The following CCNI2 variants were observed in gnomAD, a reference collection of about 807,000 sequenced individuals.
The protein encoded by CCNI2 is cyclin I family member 2, also known as cyclin-I2.
In CCNI2, 32 loss-of-function variants were observed where a neutral mutation model predicts 33.2. The observed-to-expected ratio is 0.96, with a 90% CI of 0.73 to 1.30. The LOEUF (loss-of-function observed/expected upper bound fraction) is 1.30, where lower values mean the gene tolerates loss of function less well. Among genes scored for constraint, CCNI2 ranks in the 50% most tolerant of loss-of-function variants. The probability of loss-of-function intolerance (pLI) is 0.00; values close to 1 mark genes in which losing one functional copy is unlikely to be tolerated. For missense variants in CCNI2, 452 were observed against 486.2 expected, an observed-to-expected ratio of 0.93 and a Z score of 0.66; for synonymous variants, 231 against 219.9, an observed-to-expected ratio of 1.05 and a Z score of -0.45.
intron 2 of CCNI2, among the ~76,000 whole-genome samples, chr5:132,748,737 G>A (rs1043985116): frequency 1.3e-5 from 2 of 152,116 alleles, no homozygotes; most frequent in Non-Finnish European, 2.9e-5. Flanking sequence ...GAGGTAGGAT[G>A]TGCTTGTCTC....
intron 2 of CCNI2, 123 bp downstream of exon 2, chr5:132,748,598 C>A: frequency 8.3e-7 from 1 of 1,205,798 alleles, no homozygotes; most frequent in Non-Finnish European, 1.2e-6. Context: ...AACTAACTTG[C>A]TCCGAGTGGA....
intron 3 of CCNI2, 135 bp downstream of exon 3, chr5:132,749,557 T>C (rs910577202): frequency 2.9e-6 from 2 of 695,288 alleles, no homozygotes; most frequent in African/African-American, 3.6e-5. Context: ...CTTGCCGGCA[T>C]CTCTGCTATC....
intron 4 of CCNI2, chr5:132,751,703 A>C (rs1280953716): frequency 3.6e-6 from 2 of 548,048 alleles, no homozygotes; most frequent in African/African-American, 3.8e-5. Context: ...GAATGGAAAC[A>C]TTGTCATCTA....
In CCNI2 at chr5:132,747,657, C is replaced by A; in HGVS notation, c.162C>A (p.Ser54Arg). 1.3e-6 allele frequency: 2 copies of A among 1,503,392 alleles called. No homozygotes were observed. Among genetic ancestry groups the A allele is most frequent in the Non-Finnish European group, 1.8e-6 (2 of 1,133,204 alleles). The allele number at this position is 1,503,392 out of a possible 1,614,324, so 93.1% of individuals were successfully genotyped here. The change falls in exon 1 of 6, where the codon AGC (serine) becomes AGA (arginine). Residue 54 changes from serine to arginine, a missense_variant. Physicochemically the swap from Ser to Arg is moderately radical, Grantham distance 110. Coordinates refer to ENST00000378731, the MANE Select transcript of CCNI2 (RefSeq NM_001039780.4). This position sits in a 1 kb window ranked among gnomAD's most constrained non-coding sequence, Gnocchi z 4.1. ...CCCCTCTGCCCCGAAGCAACCGGAGCAGGTGCCCTGGGACCCGCCAGCCCG... is the reference window on the plus strand; with the variant it reads ...CCCCTCTGCCCCGAAGCAACCGGAGAAGGTGCCCTGGGACCCGCCAGCCCG... ...GEAPLPRSNRSRCPGTRQPGA... is the reference protein window; with the variant it reads ...GEAPLPRSNRRRCPGTRQPGA...
intron 5 of CCNI2, 105 bp from the exon 6 acceptor site, chr5:132,752,761 G>A: frequency 1.1e-6 from 1 of 892,636 alleles, no homozygotes; most frequent in South Asian, 1.6e-5. Flanking sequence ...TTGGGTGGTT[G>A]GACCTTCCTG....
At chr5:132,748,946 T>TG (rs1316385783) in intron 2 of CCNI2, among the ~76,000 whole-genome samples, 2 of 151,764 alleles carry the variant, frequency 1.3e-5, no homozygotes, top group Non-Finnish European at 1.5e-5. Context: ...CTTTTAAAAA[T>TG]GGGAAAAAAA....
Position 132,752,027 on chromosome 5 carries a change from C to T in CCNI2, c.836C>T (p.Pro279Leu). ...TTGGAGCTGCTGCCTCAGAGGAATC[C>T]TTCCCTCCACGTCGCATCCCTGACC... ...HVLELLPQRN[P>L]SLHVASLTRQ... Residue 279 changes from proline to leucine, a missense_variant, in exon 5 of 6, where the codon CCT becomes CTT. Physicochemically the swap from Pro to Leu is moderately conservative, Grantham distance 98 (BLOSUM62 -3). Coordinates refer to ENST00000378731, the MANE Select transcript of CCNI2 (RefSeq NM_001039780.4). The T allele has an allele frequency of 6.2e-7, 1 of 1,612,134 alleles. No homozygotes were observed. Among genetic ancestry groups the T allele is most frequent in the South Asian group, 1.1e-5 (1 of 90,222 alleles).
chr5:132,752,094 G>A lies in CCNI2; in HGVS notation c.903G>A (p.Gln301=). ...GTATGGCGGGCCACCAGCTGCTGCA[G>A]TTCAAGGGCTCCACACTGGCCTTGG... is the stretch of plus-strand genomic sequence containing the variant. The part of the protein sequence containing the change: ...QHCMAGHQLL[Q]FKGSTLALVI... Residue 301 remains glutamine (Q), a synonymous_variant, in exon 5 of 6, where the codon CAG becomes CAA. Coordinates refer to ENST00000378731, the MANE Select transcript of CCNI2 (RefSeq NM_001039780.4). 1 of 1,602,036 alleles carries A rather than the reference G, an allele frequency of 6.2e-7. No individual in the cohort carries two copies. Among genetic ancestry groups the A allele is most frequent in the Non-Finnish European group, 8.5e-7 (1 of 1,174,278 alleles).
intron 2 of CCNI2, 80 bp downstream of exon 2, chr5:132,748,555 A>G (rs1754678716): frequency 6.4e-7 from 1 of 1,556,408 alleles, no homozygotes; most frequent in Non-Finnish European, 8.7e-7. Flanking sequence ...TTGAGAGGTG[A>G]GGGTTTCCAG....
In CCNI2 at chr5:132,747,469, A is replaced by G. The variant is rs759553155; in HGVS notation, c.-27A>G. Reference sequence around the variant, plus strand: ...TTATAAAATGCCGGGTTAAGCGGCAACTCAGACTCAGGATCCCGCTCACGA... The same window carrying G: ...TTATAAAATGCCGGGTTAAGCGGCAGCTCAGACTCAGGATCCCGCTCACGA... On this transcript the variant is annotated 5_prime_UTR_variant, in exon 1 of 6. Transcript: ENST00000378731. This position sits in a 1 kb window ranked among gnomAD's most constrained non-coding sequence, Gnocchi z 4.1. 47 of 1,420,616 alleles carry G rather than the reference A, an allele frequency of 3.3e-5. No individual in the cohort carries two copies. Among genetic ancestry groups the G allele is most frequent in the Non-Finnish European group, 3.9e-5 (43 of 1,094,262 alleles). The allele number at this position is 1,420,616 out of a possible 1,614,324, so 88.0% of individuals were successfully genotyped here.
At chr5:132,756,020 A>C (rs1755297064), downstream of CCNI2, 1 of 985,294 alleles carries the variant, frequency 1.0e-6, no homozygotes, top group Admixed American at 6.1e-5. Context: ...TAAATGCAAA[A>C]TTTAATGAAA....
In CCNI2 at chr5:132,747,662, G is replaced by A. The variant is rs762915699; in HGVS notation, c.167G>A (p.Cys56Tyr). Residue 56 changes from cysteine (C) to tyrosine (Y), a missense_variant, in exon 1 of 6, where the codon TGC becomes TAC. Coordinates refer to ENST00000378731, the MANE Select transcript of CCNI2 (RefSeq NM_001039780.4). The surrounding 1 kb of genome is among the most constrained non-coding windows in gnomAD (Gnocchi z 4.1). ...CTGCCCCGAAGCAACCGGAGCAGGT[G>A]CCCTGGGACCCGCCAGCCCGGAGCG... ...APLPRSNRSRCPGTRQPGAAS... is the reference protein window; with the variant it reads ...APLPRSNRSRYPGTRQPGAAS... 6.7e-7 allele frequency: 1 copy of A among 1,502,996 alleles called. No homozygotes were observed. Among genetic ancestry groups the A allele is most frequent in the South Asian group, 1.2e-5 (1 of 80,412 alleles). 93.1% of individuals were successfully genotyped at this position (1,502,996 alleles called of 1,614,324 possible).
At chr5:132,749,005 C>T (rs1754693866) in intron 2 of CCNI2, among the ~76,000 whole-genome samples, 1 of 152,216 alleles carries the variant, frequency 6.6e-6, no homozygotes, top group South Asian at 2.1e-4. Context: ...CCTGTAATCC[C>T]AGCAATTTGG....
rs1754676977 is a variant in CCNI2 at position 132,748,474 on chromosome 5, A to G, written c.557A>G (p.Lys186Arg). ...TTTGGCCGCCTCCTGATTTCAGTGA[A>G]GGTAGGGAGGCCTCTGAGGGACGGT... ...TIFGRLLISV[K>R]VKEKYLHCAT... is the part of the protein sequence containing the mutation. Residue 186 changes from lysine to arginine, a missense_variant and splice_region_variant, in exon 2 of 6, where the codon AAG (lysine) becomes AGG (arginine). Transcript: ENST00000378731. The G allele has an allele frequency of 1.2e-6, 2 of 1,613,930 alleles. No individual in the cohort carries two copies.
At chr5:132,748,981 C>T (rs1239708589) in intron 2 of CCNI2, among the ~76,000 whole-genome samples, 2 of 152,112 alleles carry the variant, frequency 1.3e-5, no homozygotes, top group South Asian at 2.1e-4. Flanking sequence ...AACGGCTGGG[C>T]GCAATGGCTC....
chr5:132,747,812 A>G lies in CCNI2; in HGVS notation c.317A>G (p.Gln106Arg). The G allele has an allele frequency of 2.0e-6, 3 of 1,480,388 alleles. No homozygotes were observed. The highest frequency in any genetic ancestry group is 2.2e-4 in the Middle Eastern group (1 of 4,640). 91.7% of individuals were successfully genotyped at this position (1,480,388 alleles called of 1,614,324 possible). A position where few individuals can be genotyped will look rare whatever the true frequency, so the allele number is the denominator to read the frequency against. The change falls in exon 1 of 6, where the codon CAG becomes CGG. Residue 106 changes from glutamine (Q) to arginine (R), a missense_variant. Physicochemically the swap from Gln to Arg is conservative, Grantham distance 43. Coordinates refer to ENST00000378731, the MANE Select transcript of CCNI2 (RefSeq NM_001039780.4). This position sits in a 1 kb window ranked among gnomAD's most constrained non-coding sequence, Gnocchi z 4.1. Reference protein sequence around the residue: ...APEQAPRPAPQSRKPRNLEGD... With the variant: ...APEQAPRPAPRSRKPRNLEGD... ...GAGCAAGCTCCGCGGCCGGCTCCAC[A>G]GTCCCGCAAGCCGCGCAACCTGGAA... is the stretch of plus-strand genomic sequence containing the variant.
chr5:132,751,809 A>T, intron 4 of CCNI2, 157 bp from the exon 5 acceptor site: 1 of 869,700 alleles, frequency 1.1e-6, no homozygotes, highest in Non-Finnish European at 1.7e-6. Context: ...GATGGGCATT[A>T]AGCCTCAAGC....
rs1754702703 is a variant in CCNI2, at chr5:132,749,200, G to A, written c.559-148G>A. ...AAAATCAGGAGGTGGAGGTTGCAGT[G>A]AGCCAAGATCATGCCACTGCACTCC... On this transcript the variant is annotated intron_variant, in intron 2 of 5. Transcript: ENST00000378731. 4.8e-6 allele frequency: 3 copies of A among 625,254 alleles called. No individual in the cohort carries two copies. The African/African-American group carries it at 5.5e-5, about 11-fold the overall frequency. The allele number at this position is 625,254 out of a possible 1,614,324, so 38.7% of individuals were successfully genotyped here.
In CCNI2 at chr5:132,751,100, T is replaced by C; in HGVS notation, c.774+103T>C. On this transcript the variant is annotated intron_variant, in intron 4 of 5. Transcript: ENST00000378731. Reference sequence around the variant, plus strand: ...CAAAGCACAGGCGTGCACACGCCCTTGCACATGCACCACAGTGAGGTGACG... The same window carrying C: ...CAAAGCACAGGCGTGCACACGCCCTCGCACATGCACCACAGTGAGGTGACG... The C allele has an allele frequency of 3.0e-6, 4 of 1,321,860 alleles. 1 individual carries two copies. In the South Asian group the frequency reaches 5.5e-5, roughly 18 times the overall value. 81.9% of individuals were successfully genotyped at this position (1,321,860 alleles called of 1,614,324 possible).
Sources: gnomAD v4.1 joint callset for allele counts (sites outside exome capture counted in the v4.1 genomes callset) on GRCh38, gnomAD v4.1.1 for gene constraint, Gnocchi (gnomAD v3.1) non-coding constraint, MANE v1.5 for transcripts, NCBI Gene and HGNC (gene_info 2026-07-23, HGNC 2026-07-21) for gene names.